Variants in ABCA5 observed in about 807,000 individuals in gnomAD.
ABCA5 encodes cholesterol transporter ABCA5.
Under a neutral mutation model 206.0 loss-of-function variants are expected in ABCA5, and 163 were observed. The observed-to-expected ratio is 0.79, with a 90% CI of 0.70 to 0.90. ABCA5 has a LOEUF of 0.90. Ranked by LOEUF, ABCA5 falls within the 40% of genes least tolerant of loss-of-function variation. The probability of loss-of-function intolerance (pLI) is 0.00; values close to 1 mark genes in which losing one functional copy is unlikely to be tolerated. For missense variants in ABCA5, 1,859 were observed against 1,912.9 expected (o/e 0.97, Z 0.53); for synonymous variants, 609 against 613.8 (o/e 0.99, Z 0.11).
chr17:69,296,926 C>T (rs1478244538), intron 10 of ABCA5, among the ~76,000 whole-genome samples: 1 of 152,196 alleles, frequency 6.6e-6, no homozygotes, highest in African/African-American at 2.4e-5. Flanking sequence ...GATTGTGCCA[C>T]TGTGCTCCAG....
intron 4 of ABCA5, among the ~76,000 whole-genome samples, 155 bp from the exon 5 acceptor site, chr17:69,308,523 T>C (rs2075741618): frequency 6.6e-6 from 1 of 152,200 alleles, no homozygotes; most frequent in Non-Finnish European, 1.5e-5. Context: ...AGGTAAACAA[T>C]ACTTACAAGA....
chr17:69,326,073 A>G lies in ABCA5; in HGVS notation c.-16+979T>C, dbSNP rs1024633600. ...TGCTCTCCCGGCAAACACAAAATAT[A>G]CTAAATAAAGCACCAGAATTAGGGT... On this transcript the variant is annotated intron_variant, in intron 1 of 38. Transcript: ENST00000392676. The surrounding 1 kb of genome is among the most constrained non-coding windows in gnomAD (Gnocchi z 4.8). Among the ~76,000 whole-genome samples the G allele has an allele frequency of 6.6e-6, 1 of 152,180 alleles. No homozygotes were observed. The highest frequency in any genetic ancestry group is 1.5e-5 in the Non-Finnish European group (1 of 68,036).
chr17:69,246,239 A>G lies in ABCA5; in HGVS notation c.*1298T>C, dbSNP rs2074948727. 6.6e-6 allele frequency: 1 copy of G among 152,030 alleles called. No homozygotes were observed. The highest frequency in any genetic ancestry group is 1.5e-5 in the Non-Finnish European group (1 of 67,858). The allele number at this position is 152,030 out of a possible 1,614,324, so 9.4% of individuals were successfully genotyped here. A position where few individuals can be genotyped will look rare whatever the true frequency, so the allele number is the denominator to read the frequency against. ...CCACTGAAAGGTTTTGCTTATTTAA[A>G]GTAATTCAGTACCAAATCCTTCTGT... On this transcript the variant is annotated 3_prime_UTR_variant, in exon 39 of 39. Transcript: ENST00000392676.
intron 18 of ABCA5, among the ~76,000 whole-genome samples, chr17:69,281,910 T>C (rs2075397821): frequency 6.6e-6 from 1 of 152,224 alleles, no homozygotes; most frequent in Admixed American, 6.5e-5. Context: ...AATGTGTATT[T>C]GCAGCATCTC....
chr17:69,312,221 C>T (rs150509902), intron 3 of ABCA5, among the ~76,000 whole-genome samples: 10 of 152,268 alleles, frequency 6.6e-5, no homozygotes, highest in East Asian at 1.9e-4. Flanking sequence ...TCTCTCACAG[C>T]CACTTTAAGT....
intron 22 of ABCA5, among the ~76,000 whole-genome samples, chr17:69,270,040 C>A (rs2075255074): frequency 6.6e-6 from 1 of 152,014 alleles, no homozygotes; most frequent in East Asian, 1.9e-4. Context: ...ATAAAAGACA[C>A]CGAAGTGTAT....
At chr17:69,250,668 C>A in intron 35 of ABCA5, 47 bp from the exon 36 acceptor site, 1 of 1,403,270 alleles carries the variant, frequency 7.1e-7, no homozygotes, top group South Asian at 1.4e-5. Context: ...ATGACAGCTT[C>A]AAAGAATAAT....
chr17:69,250,744 A>G (rs1379735173), intron 35 of ABCA5, 123 bp from the exon 36 acceptor site: 1 of 633,362 alleles, frequency 1.6e-6, no homozygotes, highest in East Asian at 3.4e-5. Context: ...TTACAAAGAA[A>G]ATACAGCATC....
chr17:69,277,629 A>G lies in ABCA5; in HGVS notation c.2594+12T>C, dbSNP rs1248739145. 1 of 1,596,268 alleles carries G rather than the reference A, an allele frequency of 6.3e-7. No homozygotes were observed. The highest frequency in any genetic ancestry group is 1.3e-5 in the African/African-American group (1 of 74,258). On this transcript the variant is annotated intron_variant, in intron 19 of 38. Coordinates refer to ENST00000392676, the MANE Select transcript of ABCA5 (RefSeq NM_172232.4). ...GCAATCCATCAGGTATAAGGGTGAT[A>G]ATTATACTTACACTGATCTCACTGA...
chr17:69,285,877 G>C (rs527419550), intron 17 of ABCA5, 21 bp downstream of exon 17: 1 of 1,599,702 alleles, frequency 6.3e-7, no homozygotes, highest in East Asian at 2.2e-5. Context: ...CAAACACCAA[G>C]AGACTTAAAG....
chr17:69,292,783 T>C (rs1367700549), intron 11 of ABCA5, among the ~76,000 whole-genome samples: 2 of 152,202 alleles, frequency 1.3e-5, no homozygotes, highest in African/African-American at 4.8e-5. Context: ...AAATTAAGAC[T>C]TGTGTTTGTC....
chr17:69,321,933 T>A (rs1017359883), intron 1 of ABCA5, among the ~76,000 whole-genome samples: 1 of 152,186 alleles, frequency 6.6e-6, no homozygotes, highest in African/African-American at 2.4e-5. Context: ...TAAAATAATT[T>A]ATACTAAATC....
intron 19 of ABCA5, 110 bp downstream of exon 19, chr17:69,277,531 A>G (rs2075347300): frequency 1.2e-6 from 1 of 858,020 alleles, no homozygotes; most frequent in Non-Finnish European, 1.7e-6. Context: ...AATCTTTCGA[A>G]ACTATATAAA....
At chr17:69,248,113 G>A (rs1001859505) in intron 38 of ABCA5, 149 bp downstream of exon 38, 2 of 506,496 alleles carry the variant, frequency 3.9e-6, no homozygotes, top group African/African-American at 4.0e-5. Flanking sequence ...AGAACCTAAG[G>A]TTGATTAAAA....
chr17:69,294,431 C>T (rs565517786), intron 11 of ABCA5, among the ~76,000 whole-genome samples: 4 of 151,912 alleles, frequency 2.6e-5, no homozygotes, highest in South Asian at 2.1e-4. Flanking sequence ...CTAAGGCAGG[C>T]GAATCACTTG....
intron 18 of ABCA5, among the ~76,000 whole-genome samples, chr17:69,278,176 A>C (rs1409806337): frequency 2.0e-5 from 3 of 152,090 alleles, no homozygotes; most frequent in African/African-American, 7.2e-5. Context: ...TGTACCCATA[A>C]CAACATGGCT....
intron 37 of ABCA5, chr17:69,249,369 A>AT (rs2074986638): frequency 6.6e-6 from 1 of 152,350 alleles, no homozygotes; most frequent in South Asian, 2.1e-4. Context: ...CATACCACTT[A>AT]TTTTTTAAAT....
At chr17:69,303,855 T>TAC (rs1491166935) in intron 7 of ABCA5, among the ~76,000 whole-genome samples, 2,982 of 46,986 alleles carry the variant, frequency 0.063, 990 homozygotes, top group East Asian at 0.35. Flanking sequence ...CATATATATA[T>TAC]GTATATATAT....
chr17:69,291,257 G>A lies in ABCA5; in HGVS notation c.1565C>T (p.Thr522Ile). The change falls in exon 12 of 39, where the codon ACA becomes ATA. Residue 522 changes from threonine (T) to isoleucine (I), a missense_variant. Physicochemically the swap from Thr to Ile is moderately conservative, Grantham distance 89 (BLOSUM62 -1). Transcript: ENST00000392676. Reference sequence around the variant, plus strand: ...GAGTCCACAAAGAATATTCATCAATGTACTCTTTCCTGTTCCACTGTGGCC... The same window carrying A: ...GAGTCCACAAAGAATATTCATCAATATACTCTTTCCTGTTCCACTGTGGCC... ...LLGHSGTGKS[T>I]LMNILCGLCP... is the part of the protein sequence containing the mutation. The A allele has an allele frequency of 6.2e-7, 1 of 1,609,862 alleles. No individual in the cohort carries two copies. The highest frequency in any genetic ancestry group is 8.5e-7 in the Non-Finnish European group (1 of 1,177,620).
Sources: allele counts gnomAD v4.1 joint callset (sites outside exome capture counted in the v4.1 genomes callset), GRCh38; gene constraint gnomAD v4.1.1; non-coding constraint Gnocchi (gnomAD v3.1); transcripts MANE v1.5; gene names NCBI Gene and HGNC (gene_info 2026-07-23, HGNC 2026-07-21).